The following STIM1 variants were observed in gnomAD, a reference collection of about 807,000 sequenced individuals.
STIM1 encodes stromal interaction molecule 1.
In STIM1, 25 loss-of-function variants were observed where a neutral mutation model predicts 74.7. The observed-to-expected ratio is 0.33, with a 90% CI of 0.24 to 0.47. The LOEUF is 0.47. Among genes scored for constraint, STIM1 ranks in the 20% least tolerant of loss-of-function variants. The pLI, the probability that STIM1 is intolerant of heterozygous loss-of-function variation, is 1.00. For missense variants in STIM1, 728 were observed against 920.8 expected (o/e 0.79, Z 2.71); for synonymous variants, 328 against 348.8 (o/e 0.94, Z 0.66).
chr11:3,931,022 T>G (rs1355406549), intron 1 of STIM1, among the ~76,000 whole-genome samples: 2 of 152,218 alleles, frequency 1.3e-5, no homozygotes, highest in South Asian at 2.1e-4. Context: ...TGCAGTGTAG[T>G]AGGGAAGGCA....
chr11:4,024,698 T>C (rs974702839), intron 3 of STIM1, among the ~76,000 whole-genome samples: 1 of 152,186 alleles, frequency 6.6e-6, no homozygotes, highest in Non-Finnish European at 1.5e-5. Context: ...CTGATTAGAT[T>C]CTGGTGCCTC....
intron 1 of STIM1, among the ~76,000 whole-genome samples, chr11:3,859,723 G>A (rs2090524574): frequency 6.6e-6 from 1 of 152,214 alleles, no homozygotes; most frequent in African/African-American, 2.4e-5. Flanking sequence ...AAATGGCCTG[G>A]CCATCTTGGT....
intron 6 of STIM1, 90 bp downstream of exon 6, chr11:4,070,293 G>C: frequency 6.8e-7 from 1 of 1,468,628 alleles, no homozygotes. Flanking sequence ...TGGCCCCTGA[G>C]ACCTTGTCAG....
chr11:3,989,508 G>A (rs111814993), intron 2 of STIM1: 17,557 of 558,560 alleles, frequency 0.031, 351 homozygotes, highest in Non-Finnish European at 0.043. Context: ...GAGCCGCGGC[G>A]CACCGAGAGC....
At chr11:3,976,446 G>T (rs897758349) in intron 2 of STIM1, among the ~76,000 whole-genome samples, 5 of 152,292 alleles carry the variant, frequency 3.3e-5, no homozygotes, top group Admixed American at 2.6e-4. Flanking sequence ...TGGCCTAACT[G>T]TTCTGTGTCC....
intron 2 of STIM1, among the ~76,000 whole-genome samples, chr11:4,008,411 A>G (rs1590643563): frequency 6.6e-6 from 1 of 152,220 alleles, no homozygotes; most frequent in Non-Finnish European, 1.5e-5. Context: ...ATTTGTTATA[A>G]ACAAGGGTTA....
intron 2 of STIM1, chr11:3,989,413 G>T: frequency 1.3e-6 from 1 of 744,240 alleles, no homozygotes; most frequent in East Asian, 2.6e-5. Context: ...TCTCCTCTTG[G>T]GCTCTTCCTT....
intron 1 of STIM1, among the ~76,000 whole-genome samples, chr11:3,958,265 T>A (rs1009833301): frequency 6.6e-6 from 1 of 152,196 alleles, no homozygotes; most frequent in East Asian, 1.9e-4. Context: ...TCCTAGCTAT[T>A]TGGGAGGCTG....
intron 1 of STIM1, among the ~76,000 whole-genome samples, chr11:3,869,525 G>A (rs1280106902): frequency 6.6e-6 from 1 of 152,186 alleles, no homozygotes; most frequent in Non-Finnish European, 1.5e-5. Context: ...TTTGTGGGAA[G>A]TATTCCAGTC....
chr11:3,980,684 A>AC (rs770024809), intron 2 of STIM1, among the ~76,000 whole-genome samples: 8,711 of 151,384 alleles, frequency 0.058, 401 homozygotes, highest in East Asian at 0.18. Context: ...CAACAACAAA[A>AC]AAAAACAAAT....
chr11:3,869,130 G>A (rs572886964), intron 1 of STIM1, among the ~76,000 whole-genome samples: 5 of 152,018 alleles, frequency 3.3e-5, no homozygotes, highest in South Asian at 2.1e-4. Context: ...CACCATGCTC[G>A]GTTAATTTTT....
intron 6 of STIM1, among the ~76,000 whole-genome samples, chr11:4,074,011 G>T (rs2094422236): frequency 6.6e-6 from 1 of 152,046 alleles, no homozygotes; most frequent in Non-Finnish European, 1.5e-5. Context: ...AGCTTGCAGG[G>T]TATTCTACAT....
At chr11:3,999,881 G>A (rs61897206) in intron 2 of STIM1, among the ~76,000 whole-genome samples, 5,744 of 152,226 alleles carry the variant, frequency 0.038, 260 homozygotes, top group East Asian at 0.19. Flanking sequence ...ACTCCCACCC[G>A]AATACTGCAC....
chr11:4,091,475 G>A lies in STIM1; in HGVS notation c.1828G>A (p.Ala610Thr), dbSNP rs2094524813. The A allele has an allele frequency of 6.2e-7, 1 of 1,614,046 alleles. No homozygotes were observed. Among genetic ancestry groups the A allele is most frequent in the Non-Finnish European group, 8.5e-7 (1 of 1,180,020 alleles). Residue 610 changes from alanine (A) to threonine (T), a missense_variant, in exon 13 of 13, where the codon GCC (alanine) becomes ACC (threonine). By Grantham distance (58) the Ala-to-Thr change is moderately conservative. Transcript: ENST00000526596. ...VEKLPDSPAL[A>T]KKALLALNHG... ...GAAACTGCCTGACAGCCCTGCCCTGGCCAAGAAGGCATTACTGGCGCTGAA... is the reference window on the plus strand; with the variant it reads ...GAAACTGCCTGACAGCCCTGCCCTGACCAAGAAGGCATTACTGGCGCTGAA...
chr11:3,964,756 G>T (rs2093323841), intron 1 of STIM1, among the ~76,000 whole-genome samples: 1 of 147,406 alleles, frequency 6.8e-6, no homozygotes, highest in Non-Finnish European at 1.5e-5. Flanking sequence ...GCAGGGTCTC[G>T]CTCTGTTGCC....
chr11:4,089,725 G>A (rs2094512719), intron 12 of STIM1, among the ~76,000 whole-genome samples: 1 of 152,180 alleles, frequency 6.6e-6, no homozygotes, highest in African/African-American at 2.4e-5. Context: ...CCAACCCCCT[G>A]CTTTTGCCTG....
intron 4 of STIM1, 131 bp from the exon 5 acceptor site, chr11:4,059,150 C>T (rs1033892389): frequency 1.2e-6 from 1 of 861,764 alleles, no homozygotes; most frequent in African/African-American, 1.7e-5. Context: ...GGTATAGACT[C>T]TGTGTTCTAG....
intron 2 of STIM1, among the ~76,000 whole-genome samples, chr11:4,010,219 G>A (rs971095730): frequency 5.4e-5 from 8 of 148,284 alleles, no homozygotes; most frequent in Non-Finnish European, 7.4e-5. Flanking sequence ...CATCCAGGCT[G>A]TAGTGCAGTG....
At chr11:4,030,260 T>C (rs1431969756) in intron 3 of STIM1, among the ~76,000 whole-genome samples, 6 of 149,068 alleles carry the variant, frequency 4.0e-5, no homozygotes, top group Non-Finnish European at 7.4e-5. Flanking sequence ...ACCCAGGGTA[T>C]GGAGGTTGCA....
Sources: allele counts gnomAD v4.1 joint callset (sites outside exome capture counted in the v4.1 genomes callset), GRCh38; gene constraint gnomAD v4.1.1; transcripts MANE v1.5; gene names NCBI Gene and HGNC (gene_info 2026-07-23, HGNC 2026-07-21).